Variants in NOS1AP observed in about 807,000 individuals in gnomAD.
NOS1AP encodes carboxyl-terminal PDZ ligand of neuronal nitric oxide synthase protein.
A neutral mutation model predicts 56.2 loss-of-function variants in NOS1AP; 21 were observed. That is an observed-to-expected ratio of 0.37 (90% CI 0.26 to 0.54). The LOEUF (loss-of-function observed/expected upper bound fraction) is 0.54, where lower values mean the gene tolerates loss of function less well. Ranked by LOEUF, NOS1AP falls within the 20% of genes least tolerant of loss-of-function variation. NOS1AP has a pLI of 0.84. For missense variants in NOS1AP, 522 were observed against 657.8 expected, an observed-to-expected ratio of 0.79 and a Z score of 2.26; for synonymous variants, 270 against 274.6, an observed-to-expected ratio of 0.98 and a Z score of 0.17.
intron 8 of NOS1AP, among the ~76,000 whole-genome samples, chr1:162,361,265 G>C (rs1392798299): frequency 1.4e-5 from 2 of 143,588 alleles, no homozygotes; most frequent in African/African-American, 5.5e-5. Context: ...TGAAAGAAAA[G>C]CATGCTAAAT....
At chr1:162,189,005 C>T (rs934022170) in intron 2 of NOS1AP, among the ~76,000 whole-genome samples, 1 of 151,894 alleles carries the variant, frequency 6.6e-6, no homozygotes, top group Non-Finnish European at 1.5e-5. Flanking sequence ...TGCAGTGAGC[C>T]GAGATTGCAC....
At chr1:162,089,255 T>C (rs1043676284) in intron 1 of NOS1AP, among the ~76,000 whole-genome samples, 1 of 152,200 alleles carries the variant, frequency 6.6e-6, no homozygotes, top group African/African-American at 2.4e-5. Flanking sequence ...ACTTCTGTAT[T>C]TCATCTGATC....
chr1:162,364,127 G>A lies in NOS1AP; in HGVS notation c.940-1277G>A, dbSNP rs16860953. 4,254 of 985,336 alleles carry A rather than the reference G, an allele frequency of 4.3e-3. 140 individuals are homozygous for A. In the African/African-American group the frequency reaches 0.07, roughly 16 times the overall value. The allele number at this position is 985,336 out of a possible 1,614,324, so 61.0% of individuals were successfully genotyped here. A position where few individuals can be genotyped will look rare whatever the true frequency, so the allele number is the denominator to read the frequency against. On this transcript the variant is annotated intron_variant, in intron 8 of 9. Transcript: ENST00000361897. ...CCCTAAAAAAATGTGAATCTCTTTG[G>A]AGCAAACTCCTCTTCAGAAATTTGA...
intron 1 of NOS1AP, among the ~76,000 whole-genome samples, chr1:162,093,100 G>GAA (rs1692168932): frequency 6.6e-6 from 1 of 152,168 alleles, no homozygotes; most frequent in African/African-American, 2.4e-5. Flanking sequence ...CTTAGGTAGT[G>GAA]AAAGGCAGTT....
chr1:162,242,429 C>G (rs541331231), intron 2 of NOS1AP, among the ~76,000 whole-genome samples: 1 of 152,298 alleles, frequency 6.6e-6, no homozygotes, highest in Non-Finnish European at 1.5e-5. Context: ...GTCCAACTAG[C>G]CTGACATAGC....
intron 2 of NOS1AP, among the ~76,000 whole-genome samples, chr1:162,284,332 A>G (rs982539789): frequency 3.3e-5 from 5 of 152,192 alleles, no homozygotes; most frequent in East Asian, 1.9e-4. Context: ...TAATTTTTCT[A>G]TTGGAAAGGG....
intron 1 of NOS1AP, among the ~76,000 whole-genome samples, chr1:162,081,744 C>A (rs1355996898): frequency 4.1e-4 from 35 of 85,234 alleles, no homozygotes; most frequent in Admixed American, 1.2e-3. Context: ...ATATCTATAT[C>A]TATATCTATA....
At chr1:162,276,856 G>C (rs1654748554) in intron 2 of NOS1AP, among the ~76,000 whole-genome samples, 1 of 152,182 alleles carries the variant, frequency 6.6e-6, no homozygotes, top group Non-Finnish European at 1.5e-5. Flanking sequence ...TCTTAAGGTG[G>C]TTGTTCCTGA....
At chr1:162,261,506 G>GA (rs770447420) in intron 2 of NOS1AP, among the ~76,000 whole-genome samples, 2,268 of 18,650 alleles carry the variant, frequency 0.12, 853 homozygotes, top group African/African-American at 0.36. Flanking sequence ...GAGAGAGAGA[G>GA]AGAGAGAGAG....
At chr1:162,351,252 A>G (rs1024012883) in intron 6 of NOS1AP, among the ~76,000 whole-genome samples, 9 of 152,196 alleles carry the variant, frequency 5.9e-5, no homozygotes, top group Admixed American at 1.3e-4. Context: ...TTAAGCTGTT[A>G]TTGTTGCAGT....
intron 2 of NOS1AP, among the ~76,000 whole-genome samples, chr1:162,200,637 T>C (rs1651963709): frequency 6.6e-6 from 1 of 152,190 alleles, no homozygotes; most frequent in South Asian, 2.1e-4. Flanking sequence ...CAGAGTGATA[T>C]CACCCCTGAG....
chr1:162,116,929 G>A (rs1028535558), intron 1 of NOS1AP, among the ~76,000 whole-genome samples: 4 of 152,104 alleles, frequency 2.6e-5, no homozygotes, highest in Non-Finnish European at 5.9e-5. Flanking sequence ...TTTTTGGGGG[G>A]GCTGGAGGGT....
intron 4 of NOS1AP, among the ~76,000 whole-genome samples, chr1:162,318,187 G>A (rs1459993734): frequency 6.6e-6 from 1 of 152,092 alleles, no homozygotes; most frequent in Non-Finnish European, 1.5e-5. Flanking sequence ...TTATTTTCTA[G>A]CCTATAAATA....
At chr1:162,238,814 C>G (rs1259767466) in intron 2 of NOS1AP, among the ~76,000 whole-genome samples, 1 of 152,108 alleles carries the variant, frequency 6.6e-6, no homozygotes, top group Non-Finnish European at 1.5e-5. Context: ...ATGAAGAAGA[C>G]AGCATAAAAA....
intron 2 of NOS1AP, among the ~76,000 whole-genome samples, chr1:162,277,011 T>C (rs1411062233): frequency 6.6e-6 from 1 of 152,216 alleles, no homozygotes; most frequent in African/African-American, 2.4e-5. Flanking sequence ...TGGACTTACA[T>C]ACTGTGGTTC....
rs147715895 is a variant in NOS1AP, at chr1:162,191,667, C to T, written c.177+37191C>T. 7.6e-3 allele frequency among the ~76,000 whole-genome samples: 1,163 copies of T among 152,114 alleles called. 6 individuals carry two copies. Among genetic ancestry groups the T allele is most frequent in the Non-Finnish European group, 0.012 (845 of 67,910 alleles). Reference sequence around the variant, plus strand: ...CTGGCTACATTCTCTTCCTCTTCCTCTTCCTCCCCCATTGATAAGGCCTGG... The same window carrying T: ...CTGGCTACATTCTCTTCCTCTTCCTTTTCCTCCCCCATTGATAAGGCCTGG... On this transcript the variant is annotated intron_variant, in intron 2 of 9. Transcript: ENST00000361897.
chr1:162,322,060 T>C (rs440104), intron 4 of NOS1AP, among the ~76,000 whole-genome samples: 76,662 of 151,974 alleles, frequency 0.5, 22,049 homozygotes, highest in Non-Finnish European at 0.65. Context: ...GCATCTAAAA[T>C]AATAAAATAA....
chr1:162,324,276 G>A (rs537335626), intron 4 of NOS1AP, among the ~76,000 whole-genome samples: 28 of 152,276 alleles, frequency 1.8e-4, no homozygotes, highest in Non-Finnish European at 3.8e-4. Flanking sequence ...TAAATTGGCA[G>A]CCTGTGTAAA....
intron 2 of NOS1AP, among the ~76,000 whole-genome samples, chr1:162,242,360 C>CA (rs35984057): frequency 2.9e-4 from 44 of 152,142 alleles, no homozygotes; most frequent in Non-Finnish European, 5.3e-4. Flanking sequence ...AGGCTAGGTC[C>CA]AAAAAAATGG....
Sources: allele counts gnomAD v4.1 joint callset (sites outside exome capture counted in the v4.1 genomes callset), GRCh38; gene constraint gnomAD v4.1.1; transcripts MANE v1.5; gene names NCBI Gene and HGNC (gene_info 2026-07-23, HGNC 2026-07-21).